Variants in SPRED2 observed in about 807,000 individuals in gnomAD.
SPRED2 encodes the protein sprouty related EVH1 domain containing 2.
A neutral mutation model predicts 43.0 loss-of-function variants in SPRED2; 47 were observed. That is an observed-to-expected ratio of 1.09 (90% CI 0.87 to 1.40). SPRED2 has a LOEUF of 1.40. Among genes scored for constraint, SPRED2 ranks in the 40% most tolerant of loss-of-function variants. The pLI, the probability that SPRED2 is intolerant of heterozygous loss-of-function variation, is 0.00. For missense variants in SPRED2, 561 were observed against 586.4 expected, an observed-to-expected ratio of 0.96 and a Z score of 0.45; for synonymous variants, 225 against 225.7, an observed-to-expected ratio of 1.00 and a Z score of 0.03.
In SPRED2 at chr2:65,313,656, C is replaced by T; in HGVS notation, c.1102G>A (p.Asp368Asn). 1.2e-6 allele frequency: 2 copies of T among 1,614,204 alleles called. No individual in the cohort carries two copies. Among genetic ancestry groups the T allele is most frequent in the Non-Finnish European group, 1.7e-6 (2 of 1,180,042 alleles). The change falls in exon 6 of 6, where the codon GAT (aspartate) becomes AAT (asparagine). Residue 368 changes from aspartate to asparagine, a missense_variant. Transcript: ENST00000356388. ...EGDYTDPCSCDTSDEKFCLRW... is the reference protein window; with the variant it reads ...EGDYTDPCSCNTSDEKFCLRW... ...AGGCAAAACTTCTCGTCGCTAGTAT[C>T]GCACGAGCAAGGGTCTGTATAGTCT... is the stretch of plus-strand genomic sequence containing the variant.
chr2:65,330,879 A>C (rs1055745107), intron 4 of SPRED2, among the ~76,000 whole-genome samples: 1 of 152,216 alleles, frequency 6.6e-6, no homozygotes, highest in Non-Finnish European at 1.5e-5. Context: ...AAATGTGCCC[A>C]AATGTTACAA....
At chr2:65,365,667 C>T (rs1674950845) in intron 1 of SPRED2, among the ~76,000 whole-genome samples, 1 of 152,170 alleles carries the variant, frequency 6.6e-6, no homozygotes, top group African/African-American at 2.4e-5. Context: ...GACAGACAGA[C>T]CAGGAAAGCA....
chr2:65,391,112 C>A (rs1675626283), intron 1 of SPRED2, among the ~76,000 whole-genome samples: 1 of 150,648 alleles, frequency 6.6e-6, no homozygotes, highest in Non-Finnish European at 1.5e-5. Context: ...AAATCTACTG[C>A]CTGACTACCA....
intron 1 of SPRED2, among the ~76,000 whole-genome samples, chr2:65,354,946 C>T (rs1330224162): frequency 1.3e-5 from 2 of 152,172 alleles, no homozygotes; most frequent in East Asian, 1.9e-4. Flanking sequence ...GTGCAAGTAC[C>T]TCTTGAGGTG....
chr2:65,331,433 T>G (rs531401050), intron 4 of SPRED2, among the ~76,000 whole-genome samples: 1 of 152,362 alleles, frequency 6.6e-6, no homozygotes, highest in African/African-American at 2.4e-5. Context: ...TAACTCAAGC[T>G]GTGTCAAAAC....
At chr2:65,363,403 A>C (rs1428646107) in intron 1 of SPRED2, among the ~76,000 whole-genome samples, 1 of 152,200 alleles carries the variant, frequency 6.6e-6, no homozygotes, top group Non-Finnish European at 1.5e-5. Context: ...TGCTGGTTTG[A>C]TAAGAGGGTG....
chr2:65,324,310 AAAT>A (rs911278714), intron 4 of SPRED2, among the ~76,000 whole-genome samples: 6 of 152,178 alleles, frequency 3.9e-5, no homozygotes, highest in African/African-American at 1.4e-4. Flanking sequence ...GAATTTTAAA[AAAT>A]AATAATGGAC....
rs984212404 is a variant in SPRED2, at chr2:65,311,024, G to C, written c.*2477C>G. ...TATTATAAAAAAATCAATACAACAG[G>C]GTTTTTAGTATACAGGTAAAGAATG... On this transcript the variant is annotated 3_prime_UTR_variant, in exon 6 of 6. Transcript: ENST00000356388. 2.0e-5 allele frequency: 20 copies of C among 984,578 alleles called. No homozygotes were observed. Among genetic ancestry groups the C allele is most frequent in the African/African-American group, 3.5e-5 (2 of 57,138 alleles). 61.0% of individuals were successfully genotyped at this position (984,578 alleles called of 1,614,324 possible).
intron 4 of SPRED2, among the ~76,000 whole-genome samples, chr2:65,323,988 C>T (rs571040502): frequency 1.3e-4 from 20 of 151,726 alleles, no homozygotes; most frequent in East Asian, 3.9e-4. Flanking sequence ...CCACGTGGCA[C>T]GGGAAGAGGC....
At chr2:65,377,204 T>C (rs1675261718) in intron 1 of SPRED2, among the ~76,000 whole-genome samples, 1 of 152,220 alleles carries the variant, frequency 6.6e-6, no homozygotes, top group African/African-American at 2.4e-5. Flanking sequence ...CTTTACATAT[T>C]AAGATGCTTG....
intron 1 of SPRED2, among the ~76,000 whole-genome samples, chr2:65,385,918 T>C (rs1194731818): frequency 6.6e-6 from 1 of 152,212 alleles, no homozygotes; most frequent in African/African-American, 2.4e-5. Context: ...AAAGTTGATT[T>C]TTCCAGCAAT....
At chr2:65,335,617 T>G (rs948575848) in intron 2 of SPRED2, among the ~76,000 whole-genome samples, 2 of 152,202 alleles carry the variant, frequency 1.3e-5, no homozygotes, top group African/African-American at 4.8e-5. Flanking sequence ...CCAATTCTCC[T>G]TCTTGTCATC....
intron 3 of SPRED2, among the ~76,000 whole-genome samples, chr2:65,332,679 G>A (rs1394504689): frequency 1.3e-5 from 2 of 152,132 alleles, no homozygotes; most frequent in Admixed American, 6.5e-5. Context: ...GTTTTTCCAA[G>A]TCAAAATTAC....
chr2:65,376,796 G>A (rs1287882429), intron 1 of SPRED2, among the ~76,000 whole-genome samples: 1 of 152,020 alleles, frequency 6.6e-6, no homozygotes, highest in African/African-American at 2.4e-5. Flanking sequence ...CTCACTGCAA[G>A]CTCTGCCTCC....
At chr2:65,400,703 C>T (rs62141062) in intron 1 of SPRED2, among the ~76,000 whole-genome samples, 16,707 of 152,124 alleles carry the variant, frequency 0.11, 1,376 homozygotes, top group Non-Finnish European at 0.16. Flanking sequence ...CTCTCCTTTT[C>T]CTTTCTTGCT....
intron 1 of SPRED2, among the ~76,000 whole-genome samples, chr2:65,355,777 A>G (rs1418264935): frequency 1.3e-5 from 2 of 152,218 alleles, no homozygotes; most frequent in Non-Finnish European, 2.9e-5. Context: ...TAATTAATCA[A>G]GATCAAAAGA....
chr2:65,362,460 T>C (rs1156686583), intron 1 of SPRED2, among the ~76,000 whole-genome samples: 2 of 151,998 alleles, frequency 1.3e-5, no homozygotes, highest in African/African-American at 4.8e-5. Context: ...TTAGTAGAGA[T>C]GGGATTTCAC....
At chr2:65,381,158 A>G (rs186787561) in intron 1 of SPRED2, among the ~76,000 whole-genome samples, 4 of 152,254 alleles carry the variant, frequency 2.6e-5, no homozygotes, top group Admixed American at 2.6e-4. Flanking sequence ...AAACCTCACC[A>G]AGTTAGCCCA....
rs1167333717 is a variant in SPRED2, at chr2:65,312,918, A to C, written c.*583T>G. ...ATTTGGCTTTAGAAAAGTTAAAGCG[A>C]TATTGTTTTGTGGTACAAGTTTGTT... On this transcript the variant is annotated 3_prime_UTR_variant, in exon 6 of 6. Transcript: ENST00000356388. The C allele has an allele frequency of 1.0e-6, 1 of 985,758 alleles. No homozygotes were observed. The highest frequency in any genetic ancestry group is 1.2e-6 in the Non-Finnish European group (1 of 829,972). 61.1% of individuals were successfully genotyped at this position (985,758 alleles called of 1,614,324 possible).
Sources: gnomAD v4.1 joint callset for allele counts (sites outside exome capture counted in the v4.1 genomes callset) on GRCh38, gnomAD v4.1.1 for gene constraint, MANE v1.5 for transcripts, NCBI Gene and HGNC (gene_info 2026-07-23, HGNC 2026-07-21) for gene names.